Variants in MMP14 observed in about 807,000 individuals in gnomAD.
MMP14 encodes matrix metallopeptidase 14.
Under a neutral mutation model 64.8 loss-of-function variants are expected in MMP14, and 13 were observed. That is an observed-to-expected ratio of 0.20 (90% CI 0.13 to 0.32). MMP14 has a LOEUF of 0.32. MMP14 is among the 10% of genes least tolerant of loss of function. MMP14 has a pLI of 1.00. For synonymous variants in MMP14, 322 were observed against 315.9 expected, an observed-to-expected ratio of 1.02 and a Z score of -0.20; for missense variants, 594 against 783.8, an observed-to-expected ratio of 0.76 and a Z score of 2.89.
In MMP14 at chr14:22,843,422, A is replaced by G; in HGVS notation, c.850+4A>G. 6.2e-7 allele frequency: 1 copy of G among 1,612,278 alleles called. No homozygotes were observed. Among genetic ancestry groups the G allele is most frequent in the Non-Finnish European group, 8.5e-7 (1 of 1,179,176 alleles). On this transcript the variant is annotated splice_donor_region_variant and intron_variant, in intron 5 of 9. Transcript: ENST00000311852. The surrounding 1 kb of genome is among the most constrained non-coding windows in gnomAD (Gnocchi z 4.8). ...CGGGGCATCCAGCAACTTTATGGCG[A>G]GTAGTCTACACCCACGCCTGCTCCC...
rs182848741 is a variant in MMP14, at chr14:22,845,477, A to G, written c.1417+111A>G. 29 of 876,144 alleles carry G rather than the reference A, an allele frequency of 3.3e-5. No individual in the cohort carries two copies. In the African/African-American group the frequency reaches 4.9e-4, roughly 15 times the overall value. 54.3% of individuals were successfully genotyped at this position (876,144 alleles called of 1,614,324 possible). Reference sequence around the variant, plus strand: ...TGTGTGGAAAACAACGGCGATGATAATACCACATACCAGGCGCTGGGCTAG... The same window carrying G: ...TGTGTGGAAAACAACGGCGATGATAGTACCACATACCAGGCGCTGGGCTAG... On this transcript the variant is annotated intron_variant, in intron 9 of 9. Transcript: ENST00000311852.
Position 22,844,025 on chromosome 14 carries a change from G to A in MMP14, c.1011+155G>A, listed in dbSNP as rs539766037. On this transcript the variant is annotated intron_variant, in intron 6 of 9. Coordinates refer to ENST00000311852, the MANE Select transcript of MMP14 (RefSeq NM_004995.4). ...AGGCTGGCCAACATAGTGAAACCCCGTCTCTACTAAAAATACAAAAAATTA... is the reference window on the plus strand; with the variant it reads ...AGGCTGGCCAACATAGTGAAACCCCATCTCTACTAAAAATACAAAAAATTA... 3.9e-5 allele frequency among the ~76,000 whole-genome samples: 6 copies of A among 152,156 alleles called. No individual in the cohort carries two copies. In the East Asian group the frequency reaches 5.8e-4, roughly 15 times the overall value.
rs577502772 is a variant in MMP14 at position 22,839,962 on chromosome 14, CTTTTT to C, written c.109-1509_109-1505del. Among the ~76,000 whole-genome samples the C allele has an allele frequency of 3.3e-4, 30 of 90,790 alleles. No individual in the cohort carries two copies. The South Asian group carries it at 3.3e-3, about 10-fold the overall frequency. The allele number at this position is 90,790 out of a possible 152,430, so 59.6% of individuals were successfully genotyped here. A position where few individuals can be genotyped will look rare whatever the true frequency, so the allele number is the denominator to read the frequency against. Reference sequence around the variant, plus strand: ...TTCATATATAACTTGGCTTGTTTTACTTTTTTTTTTTTTTTTTTTTTTTTGAGACA... The same window carrying C: ...TTCATATATAACTTGGCTTGTTTTACTTTTTTTTTTTTTTTTTTTGAGACA... On this transcript the variant is annotated intron_variant, in intron 1 of 9. Coordinates refer to ENST00000311852, the MANE Select transcript of MMP14 (RefSeq NM_004995.4).
At chr14:22,837,405 G>GA in intron 1 of MMP14, 1 of 455,822 alleles carries the variant, frequency 2.2e-6, no homozygotes, top group Non-Finnish European at 4.4e-6. Context: ...TCCCCGGGTG[G>GA]CCCAGGCCTT....
rs2039777337 is a variant in MMP14 at position 22,842,164 on chromosome 14, G to A, written c.380+129G>A. Reference sequence around the variant, plus strand: ...CCTGGGAAGCATCCGTGGGAGTGGGGAGGAAAATGGCTCTCATCCTTGAGA... The same window carrying A: ...CCTGGGAAGCATCCGTGGGAGTGGGAAGGAAAATGGCTCTCATCCTTGAGA... On this transcript the variant is annotated intron_variant, in intron 3 of 9. Coordinates refer to ENST00000311852, the MANE Select transcript of MMP14 (RefSeq NM_004995.4). This position sits in a 1 kb window ranked among gnomAD's most constrained non-coding sequence, Gnocchi z 5.3. 3.8e-6 allele frequency: 5 copies of A among 1,323,212 alleles called. No homozygotes were observed. In the Admixed American group the frequency reaches 6.1e-5, roughly 16 times the overall value. 82.0% of individuals were successfully genotyped at this position (1,323,212 alleles called of 1,614,324 possible).
At chr14:22,844,573 C>T in intron 7 of MMP14, 57 bp from the exon 8 acceptor site, 2 of 1,613,378 alleles carry the variant, frequency 1.2e-6, no homozygotes, top group South Asian at 2.2e-5. Context: ...AGCTGATTTC[C>T]TCTAAAGTCC....
chr14:22,840,963 C>G (rs2039769011), intron 1 of MMP14, among the ~76,000 whole-genome samples: 1 of 152,196 alleles, frequency 6.6e-6, no homozygotes, highest in South Asian at 2.1e-4. Context: ...AGCCTTAGCT[C>G]TAGCTCTTTT....
At position 22,846,762 on chromosome 14, in the gene MMP14, T is replaced by A. The variant is rs993844185; in HGVS notation, c.*723T>A. The A allele has an allele frequency of 2.0e-5, 3 of 152,734 alleles. No individual in the cohort carries two copies. Among genetic ancestry groups the A allele is most frequent in the African/African-American group, 7.2e-5 (3 of 41,460 alleles). The allele number at this position is 152,734 out of a possible 1,614,324, so 9.5% of individuals were successfully genotyped here. A position where few individuals can be genotyped will look rare whatever the true frequency, so the allele number is the denominator to read the frequency against. ...GAAACCCTTGGCAGCCCTGTGCCTC[T>A]CGAATGTTAGCCTTGGATGGGGCTT... On this transcript the variant is annotated 3_prime_UTR_variant, in exon 10 of 10. Coordinates refer to ENST00000311852, the MANE Select transcript of MMP14 (RefSeq NM_004995.4).
chr14:22,843,465 C>T lies in MMP14; in HGVS notation c.850+47C>T. 1 of 1,586,022 alleles carries T rather than the reference C, an allele frequency of 6.3e-7. No homozygotes were observed. ...CTGCTCCCTCCTCTGCTGCTTGTTCCCTCCTGGTCTACGCATTTCCCCTCT... is the reference window on the plus strand; with the variant it reads ...CTGCTCCCTCCTCTGCTGCTTGTTCTCTCCTGGTCTACGCATTTCCCCTCT... On this transcript the variant is annotated intron_variant, in intron 5 of 9. Transcript: ENST00000311852. This position sits in a 1 kb window ranked among gnomAD's most constrained non-coding sequence, Gnocchi z 4.8.
At chr14:22,838,854 G>C (rs1050145871) in intron 1 of MMP14, among the ~76,000 whole-genome samples, 3 of 152,188 alleles carry the variant, frequency 2.0e-5, no homozygotes, top group Non-Finnish European at 4.4e-5. Flanking sequence ...GCCTAGGCCT[G>C]GGGGGAGGAG....
rs929006270 is a variant in MMP14, at chr14:22,836,849, T to G, written c.32T>G (p.Leu11Arg). 6.8e-6 allele frequency: 11 copies of G among 1,613,290 alleles called. No homozygotes were observed. The highest frequency in any genetic ancestry group is 8.5e-6 in the Non-Finnish European group (10 of 1,179,588). The change falls in exon 1 of 10, where the codon CTC becomes CGC. Residue 11 changes from leucine to arginine, a missense_variant. Coordinates refer to ENST00000311852, the MANE Select transcript of MMP14 (RefSeq NM_004995.4). ...CCCGCCCCAAGACCCCCCCGTTGTCTCCTGCTCCCCCTGCTCACGCTCGGC... is the reference window on the plus strand; with the variant it reads ...CCCGCCCCAAGACCCCCCCGTTGTCGCCTGCTCCCCCTGCTCACGCTCGGC... The part of the protein sequence containing the change: MSPAPRPPRC[L>R]LLPLLTLGTA...
In MMP14 at chr14:22,841,622, T is replaced by A; in HGVS notation, c.240T>A (p.Ala80=). 1 of 1,614,046 alleles carries A rather than the reference T, an allele frequency of 6.2e-7. No homozygotes were observed. Among genetic ancestry groups the A allele is most frequent in the African/African-American group, 1.3e-5 (1 of 75,040 alleles). The change falls in exon 2 of 10, where the codon GCT becomes GCA. Residue 80 remains alanine, a synonymous_variant. Coordinates refer to ENST00000311852, the MANE Select transcript of MMP14 (RefSeq NM_004995.4). ...ACGGCTTGCAAGTAACAGGCAAAGC[T>A]GATGCAGACACCATGAAGTAAGTGC... ...KFYGLQVTGK[A]DADTMKAMRR... is the part of the protein sequence containing the mutation.
Position 22,846,165 on chromosome 14 carries a change from C to T in MMP14, c.*126C>T. ...CCCTCCCCGCAGCCTCCTTGCTTCT[C>T]TCTGTCCCCTGGCTGGCCTCCTTCA... is the stretch of plus-strand genomic sequence containing the variant. On this transcript the variant is annotated 3_prime_UTR_variant, in exon 10 of 10. Coordinates refer to ENST00000311852, the MANE Select transcript of MMP14 (RefSeq NM_004995.4). 1.1e-6 allele frequency: 1 copy of T among 949,130 alleles called. No homozygotes were observed. Among genetic ancestry groups the T allele is most frequent in the Non-Finnish European group, 1.5e-6 (1 of 658,416 alleles). The allele number at this position is 949,130 out of a possible 1,614,324, so 58.8% of individuals were successfully genotyped here.
At position 22,843,137 on chromosome 14, in the gene MMP14, C is replaced by A; in HGVS notation, c.689-120C>A. The A allele has an allele frequency of 8.2e-7, 1 of 1,214,252 alleles. No individual in the cohort carries two copies. The highest frequency in any genetic ancestry group is 1.1e-6 in the Non-Finnish European group (1 of 874,010). The allele number at this position is 1,214,252 out of a possible 1,614,324, so 75.2% of individuals were successfully genotyped here. A position where few individuals can be genotyped will look rare whatever the true frequency, so the allele number is the denominator to read the frequency against. ...AAAAAGCTAGACCTCAGAATTTGGC[C>A]ACTTTGGATTGAAAACATGGGCAGC... On this transcript the variant is annotated intron_variant, in intron 4 of 9. Coordinates refer to ENST00000311852, the MANE Select transcript of MMP14 (RefSeq NM_004995.4). The surrounding 1 kb of genome is among the most constrained non-coding windows in gnomAD (Gnocchi z 4.8).
In MMP14 at chr14:22,842,424, C is replaced by A; in HGVS notation, c.395C>A (p.Thr132Asn). The A allele has an allele frequency of 1.2e-6, 2 of 1,612,310 alleles. No homozygotes were observed. The highest frequency in any genetic ancestry group is 4.5e-5 in the East Asian group (2 of 44,866). ...NEITFCIQNYTPKVGEYATYE... is the reference protein window; with the variant it reads ...NEITFCIQNYNPKVGEYATYE... ...CTGGACCTCAGCATCCAGAATTACA[C>A]CCCCAAGGTGGGCGAGTATGCCACA... Residue 132 changes from threonine to asparagine, a missense_variant, in exon 4 of 10, where the codon ACC becomes AAC. Around this residue, in one of 4 missense-constraint regions of MMP14, gnomAD observed 179 missense variants for 283.4 expected, o/e 0.63. Coordinates refer to ENST00000311852, the MANE Select transcript of MMP14 (RefSeq NM_004995.4). This position sits in a 1 kb window ranked among gnomAD's most constrained non-coding sequence, Gnocchi z 5.3.
rs35461486 is a variant in MMP14 at position 22,841,523 on chromosome 14, C to T, written c.141C>T (p.Pro47=). 2.5e-4 allele frequency: 402 copies of T among 1,613,930 alleles called. No individual in the cohort carries two copies. The highest frequency in any genetic ancestry group is 2.2e-4 in the Non-Finnish European group (259 of 1,180,020). The part of the protein sequence containing the change: ...AWLQQYGYLP[P]GDLRTHTQRS... ...TACAGCAATATGGCTACCTGCCTCC[C>T]GGGGACCTACGTACCCACACACAGC... The change falls in exon 2 of 10, where the codon CCC becomes CCT. Residue 47 remains proline, a synonymous_variant. Coordinates refer to ENST00000311852, the MANE Select transcript of MMP14 (RefSeq NM_004995.4).
chr14:22,844,820 A>G lies in MMP14; in HGVS notation c.1301+40A>G, dbSNP rs202090887. The G allele has an allele frequency of 2.1e-5, 34 of 1,611,324 alleles. No homozygotes were observed. The East Asian group carries it at 5.4e-4, about 25-fold the overall frequency. On this transcript the variant is annotated intron_variant, in intron 8 of 9. Transcript: ENST00000311852. The stretch of plus-strand genomic sequence containing the variant: ...CCTTAACCCCAGGCCTCCCTCAGAA[A>G]CCACCACCACCCCAAATTCCCTCAG...
rs17881739 is a variant in MMP14 at position 22,845,925 on chromosome 14, C to G, written c.1635C>G (p.Pro545=). Residue 545 remains proline, a synonymous_variant, in exon 10 of 10, where the codon CCC becomes CCG. Transcript: ENST00000311852. ...GAVSAAAVVL[P]VLLLLLVLAV... ...TGAGCGCGGCTGCCGTGGTGCTGCC[C>G]GTGCTGCTGCTGCTCCTGGTGCTGG... is the stretch of plus-strand genomic sequence containing the variant. 6.9e-6 allele frequency: 11 copies of G among 1,604,530 alleles called. No homozygotes were observed. Among genetic ancestry groups the G allele is most frequent in the Non-Finnish European group, 8.5e-6 (10 of 1,175,288 alleles).
chr14:22,842,451 A>G lies in MMP14; in HGVS notation c.422A>G (p.Tyr141Cys). ...CCCAAGGTGGGCGAGTATGCCACATACGAGGCCATTCGCAAGGCGTTCCGC... is the reference window on the plus strand; with the variant it reads ...CCCAAGGTGGGCGAGTATGCCACATGCGAGGCCATTCGCAAGGCGTTCCGC... ...YTPKVGEYAT[Y>C]EAIRKAFRVW... Residue 141 changes from tyrosine to cysteine, a missense_variant, in exon 4 of 10, where the codon TAC becomes TGC. Physicochemically the swap from Tyr to Cys is radical, Grantham distance 194. Coordinates refer to ENST00000311852, the MANE Select transcript of MMP14 (RefSeq NM_004995.4). This position sits in a 1 kb window ranked among gnomAD's most constrained non-coding sequence, Gnocchi z 5.3. 1 of 1,614,060 alleles carries G rather than the reference A, an allele frequency of 6.2e-7. No homozygotes were observed. Among genetic ancestry groups the G allele is most frequent in the African/African-American group, 1.3e-5 (1 of 75,054 alleles).
Sources: allele counts gnomAD v4.1 joint callset (sites outside exome capture counted in the v4.1 genomes callset), GRCh38; gene constraint gnomAD v4.1.1; regional missense constraint gnomAD v4.1.1; non-coding constraint Gnocchi (gnomAD v3.1); transcripts MANE v1.5; gene names NCBI Gene and HGNC (gene_info 2026-07-23, HGNC 2026-07-21).